The following CALU variants were observed in gnomAD, a reference collection of about 807,000 sequenced individuals.
CALU encodes calumenin, also known as IEF SSP 9302.
Under a neutral mutation model 37.5 loss-of-function variants are expected in CALU, and 13 were observed. The observed-to-expected ratio is 0.35, with a 90% CI of 0.23 to 0.55. The LOEUF is 0.55. CALU is among the 20% of genes least tolerant of loss of function. CALU has a pLI of 0.89. For synonymous variants in CALU, 114 were observed against 133.8 expected, an observed-to-expected ratio of 0.85 and a Z score of 1.02; for missense variants, 282 against 391.7, an observed-to-expected ratio of 0.72 and a Z score of 2.36.
chr7:128,756,176 A>G (rs996997384), intron 3 of CALU, among the ~76,000 whole-genome samples: 8 of 152,230 alleles, frequency 5.3e-5, no homozygotes, highest in Non-Finnish European at 1.2e-4. Flanking sequence ...TTTATTTGGA[A>G]TTAATGATAA....
chr7:128,766,748 C>T (rs890793971), intron 5 of CALU, among the ~76,000 whole-genome samples: 16 of 152,094 alleles, frequency 1.1e-4, no homozygotes, highest in South Asian at 2.1e-4. Context: ...TGAGCCACCA[C>T]GCCCATCCAG....
intron 4 of CALU, 79 bp from the exon 5 acceptor site, chr7:128,759,713 A>G: frequency 2.6e-6 from 2 of 778,178 alleles, no homozygotes; most frequent in Non-Finnish European, 4.6e-6. Context: ...ATAAATGTTT[A>G]CCTAAACTAG....
intron 1 of CALU, among the ~76,000 whole-genome samples, chr7:128,743,156 A>AT (rs895018086): frequency 3.7e-4 from 55 of 147,914 alleles, no homozygotes; most frequent in Non-Finnish European, 4.4e-4. Flanking sequence ...ACAGGCCTAG[A>AT]TTTTTTTTTT....
rs776654745 is a variant in CALU, at chr7:128,748,581, A to G, written c.-3A>G. The G allele has an allele frequency of 6.8e-6, 11 of 1,612,662 alleles. No homozygotes were observed. Among genetic ancestry groups the G allele is most frequent in the Non-Finnish European group, 9.3e-6 (11 of 1,178,994 alleles). Reference sequence around the variant, plus strand: ...TTTTCATTTTCTTCAAGATCTAATTATCATGGACCTGCGACAGTTTCTTAT... The same window carrying G: ...TTTTCATTTTCTTCAAGATCTAATTGTCATGGACCTGCGACAGTTTCTTAT... On this transcript the variant is annotated 5_prime_UTR_variant, in exon 2 of 7. Coordinates refer to ENST00000249364, the MANE Select transcript of CALU (RefSeq NM_001219.5).
chr7:128,745,961 G>A (rs888342899), intron 1 of CALU, among the ~76,000 whole-genome samples: 2 of 151,950 alleles, frequency 1.3e-5, no homozygotes, highest in South Asian at 2.1e-4. Flanking sequence ...TTTACACATG[G>A]GTATTTGTCT....
In CALU at chr7:128,762,112, G is replaced by A. The variant is rs557607628; in HGVS notation, c.643+2260G>A. Among the ~76,000 whole-genome samples the A allele has an allele frequency of 3.9e-4, 59 of 151,722 alleles. No individual in the cohort carries two copies. In the South Asian group the frequency reaches 4.4e-3, roughly 11 times the overall value. On this transcript the variant is annotated intron_variant, in intron 5 of 6. Transcript: ENST00000249364. ...GCCTAGGTGCATTTACTGAGCCCAC[G>A]TTGATGTTACTAGGGTTTTCTACTT...
intron 1 of CALU, among the ~76,000 whole-genome samples, chr7:128,743,689 T>C (rs374443355): frequency 4.0e-4 from 61 of 151,952 alleles, no homozygotes; most frequent in African/African-American, 1.4e-3. Context: ...CCCAGCTAAT[T>C]TTTTGTATTT....
At chr7:128,749,152 A>G (rs546539990) in intron 2 of CALU, among the ~76,000 whole-genome samples, 1 of 152,336 alleles carries the variant, frequency 6.6e-6, no homozygotes, top group Admixed American at 6.5e-5. Context: ...TTTAAAAACT[A>G]TCTGTGCCCT....
At chr7:128,752,659 T>C (rs2128879568) in intron 2 of CALU, among the ~76,000 whole-genome samples, 1 of 152,342 alleles carries the variant, frequency 6.6e-6, no homozygotes, top group Admixed American at 6.5e-5. Context: ...CTTATGTCTA[T>C]GTAGATAGAA....
At position 128,748,769 on chromosome 7, in the gene CALU, T is replaced by A. The variant is rs1290759769; in HGVS notation, c.186T>A (p.Asp62Glu). Residue 62 changes from aspartate to glutamate, a missense_variant, in exon 2 of 7, where the codon GAT (aspartate) becomes GAA (glutamate). Asp to Glu is a conservative substitution (Grantham distance 45). Transcript: ENST00000249364. Reference protein sequence around the residue: ...FLGAEEAKTFDQLTPEESKER... With the variant: ...FLGAEEAKTFEQLTPEESKER... Reference sequence around the variant, plus strand: ...GTGCTGAAGAAGCAAAGACCTTTGATCAGCTGACACCAGAAGAGAGCAAGG... The same window carrying A: ...GTGCTGAAGAAGCAAAGACCTTTGAACAGCTGACACCAGAAGAGAGCAAGG... 2.5e-6 allele frequency: 4 copies of A among 1,614,064 alleles called. No homozygotes were observed. Among genetic ancestry groups the A allele is most frequent in the Non-Finnish European group, 3.4e-6 (4 of 1,180,030 alleles).
rs777695082 is a variant in CALU at position 128,748,800 on chromosome 7, C to T, written c.217C>T (p.Leu73Phe). The change falls in exon 2 of 7, where the codon CTT becomes TTT. Residue 73 changes from leucine (L) to phenylalanine (F), a missense_variant. Coordinates refer to ENST00000249364, the MANE Select transcript of CALU (RefSeq NM_001219.5). Reference protein sequence around the residue: ...QLTPEESKERLGKIVSKIDGD... With the variant: ...QLTPEESKERFGKIVSKIDGD... ...GACACCAGAAGAGAGCAAGGAAAGG[C>T]TTGGGTAAGGTACCACCTCTCAGGG... 6 of 1,611,908 alleles carry T rather than the reference C, an allele frequency of 3.7e-6. No individual in the cohort carries two copies. The highest frequency in any genetic ancestry group is 5.1e-6 in the Non-Finnish European group (6 of 1,178,020).
At chr7:128,759,347 C>T (rs553874437) in intron 4 of CALU, among the ~76,000 whole-genome samples, 1 of 152,228 alleles carries the variant, frequency 6.6e-6, no homozygotes, top group East Asian at 1.9e-4. Flanking sequence ...TTTAAAATAT[C>T]CCATGACCAA....
intron 5 of CALU, among the ~76,000 whole-genome samples, chr7:128,763,919 GA>G (rs1801221180): frequency 6.6e-6 from 1 of 152,184 alleles, no homozygotes; most frequent in African/African-American, 2.4e-5. Context: ...CCTTTGCTTA[GA>G]ACTTGCAGGA....
intron 2 of CALU, among the ~76,000 whole-genome samples, chr7:128,749,042 C>G (rs1800558534): frequency 6.6e-6 from 1 of 152,116 alleles, no homozygotes; most frequent in African/African-American, 2.4e-5. Flanking sequence ...ATAAAAGTAC[C>G]AAGTACTGCA....
intron 5 of CALU, among the ~76,000 whole-genome samples, chr7:128,764,273 C>CA (rs60619101): frequency 0.3 from 45,484 of 150,024 alleles, 8,090 homozygotes; most frequent in Non-Finnish European, 0.41. Context: ...ACAAAAAATA[C>CA]AAAAAAAAAG....
At position 128,773,150 on chromosome 7, in the gene CALU, G is replaced by C. The variant is rs1801661489; in HGVS notation, c.*3983G>C. Among the ~76,000 whole-genome samples the C allele has an allele frequency of 6.6e-6, 1 of 152,208 alleles. No individual in the cohort carries two copies. Among genetic ancestry groups the C allele is most frequent in the Non-Finnish European group, 1.5e-5 (1 of 68,024 alleles). On this transcript the variant is annotated 3_prime_UTR_variant, in exon 7 of 7. Transcript: ENST00000249364. ...TACCTTCAGATGATAAGATATTTTA[G>C]AGATTTTTGCATGTGGTATGATTTC...
chr7:128,757,717 C>T (rs760033317), intron 3 of CALU, among the ~76,000 whole-genome samples: 1 of 152,016 alleles, frequency 6.6e-6, no homozygotes, highest in Admixed American at 6.5e-5. Context: ...TGTCTGTTAT[C>T]TTAATTTGGT....
intron 5 of CALU, among the ~76,000 whole-genome samples, chr7:128,764,959 T>C (rs11766175): frequency 0.3 from 45,650 of 152,122 alleles, 8,102 homozygotes; most frequent in Non-Finnish European, 0.41. Flanking sequence ...TCTCATTCTG[T>C]TGCCCATGTT....
At chr7:128,759,564 G>A (rs988935540) in intron 4 of CALU, among the ~76,000 whole-genome samples, 3 of 152,174 alleles carry the variant, frequency 2.0e-5, no homozygotes, top group Admixed American at 2.0e-4. Flanking sequence ...CTGTCAGGAA[G>A]ACTCAGTTAT....
Sources: allele counts gnomAD v4.1 joint callset (sites outside exome capture counted in the v4.1 genomes callset), GRCh38; gene constraint gnomAD v4.1.1; transcripts MANE v1.5; gene names NCBI Gene and HGNC (gene_info 2026-07-23, HGNC 2026-07-21).